PMPCA: variants seen among roughly 807,000 people sequenced by gnomAD.
The protein encoded by PMPCA is mitochondrial-processing peptidase subunit alpha.
A neutral mutation model predicts 59.3 loss-of-function variants in PMPCA; 47 were observed. The ratio of observed to expected loss-of-function variants is 0.79; its 90% confidence interval spans 0.63 to 1.01. The LOEUF is 1.01. Among genes scored for constraint, PMPCA ranks in the 50% least tolerant of loss-of-function variants. PMPCA has a pLI of 0.00. For missense variants in PMPCA, 726 were observed against 704.5 expected, an observed-to-expected ratio of 1.03 and a Z score of -0.34; for synonymous variants, 338 against 290.3, an observed-to-expected ratio of 1.16 and a Z score of -1.67.
Position 136,423,100 on chromosome 9 carries a change from G to A in PMPCA, c.1414G>A (p.Val472Met), listed in dbSNP as rs182007799. The A allele has an allele frequency of 2.2e-5, 35 of 1,611,874 alleles. No individual in the cohort carries two copies. Among genetic ancestry groups the A allele is most frequent in the Admixed American group, 1.7e-4 (10 of 59,728 alleles). The change falls in exon 13 of 13, where the codon GTG becomes ATG. Residue 472 changes from valine to methionine, a missense_variant. Val to Met is a conservative substitution (Grantham distance 21, BLOSUM62 1). Transcript: ENST00000371717. ...GCGTTTGCCCTCTGCACTAGGCAAC[G>A]TGAAGCCGGAAGATGTGAAGAGAGT... Reference protein sequence around the residue: ...PHELCTLIRNVKPEDVKRVAS... With the variant: ...PHELCTLIRNMKPEDVKRVAS...
chr9:136,421,984 C>T lies in PMPCA; in HGVS notation c.1408+8C>T, dbSNP rs1835466007. 2.5e-6 allele frequency: 4 copies of T among 1,605,304 alleles called. No homozygotes were observed. The highest frequency in any genetic ancestry group is 3.4e-6 in the Non-Finnish European group (4 of 1,175,890). ...AGCTGTGCACGCTCATCCGTGAGTACCGCAGGGGTAGTGAGGGGCTGCCGC... is the reference window on the plus strand; with the variant it reads ...AGCTGTGCACGCTCATCCGTGAGTATCGCAGGGGTAGTGAGGGGCTGCCGC... On this transcript the variant is annotated splice_region_variant and intron_variant, in intron 12 of 12. Coordinates refer to ENST00000371717, the MANE Select transcript of PMPCA (RefSeq NM_015160.3).
intron 6 of PMPCA, chr9:136,416,706 A>G (rs1463635240): frequency 5.1e-6 from 3 of 590,416 alleles, no homozygotes; most frequent in Admixed American, 6.1e-5. Context: ...TCCAGTTTTT[A>G]TAGTAACTAG....
Position 136,422,160 on chromosome 9 carries a change from T to G in PMPCA, c.1408+184T>G, listed in dbSNP as rs759747641. The G allele has an allele frequency of 3.3e-6, 5 of 1,534,316 alleles. No individual in the cohort carries two copies. In the African/African-American group the frequency reaches 4.1e-5, roughly 13 times the overall value. On this transcript the variant is annotated intron_variant, in intron 12 of 12. Transcript: ENST00000371717. ...CAGGGTCGTGGGGTCGCAGACCTGG[T>G]CTCACTTCCCGGCCCCACCATGCAC...
rs79812523 is a variant in PMPCA at position 136,422,394 on chromosome 9, C to T, written c.1408+418C>T. The T allele has an allele frequency of 1.0e-3, 1,156 of 1,132,920 alleles. 5 individuals carry two copies. The African/African-American group carries it at 0.017, about 17-fold the overall frequency. The allele number at this position is 1,132,920 out of a possible 1,614,324, so 70.2% of individuals were successfully genotyped here. On this transcript the variant is annotated intron_variant, in intron 12 of 12. Transcript: ENST00000371717. ...GAGTCTCAGCCCCAGGTTTCCGGGG[C>T]CCCCATGAGTGACCTTAGGAGGTCT...
chr9:136,420,001 T>C (rs1266313499), intron 11 of PMPCA: 1 of 151,640 alleles, frequency 6.6e-6, no homozygotes, highest in East Asian at 2.0e-4. Context: ...CTTTTTTTTT[T>C]TTTTAGACAG....
intron 11 of PMPCA, chr9:136,419,642 G>T (rs899858367): frequency 1.2e-5 from 2 of 162,784 alleles, no homozygotes; most frequent in Admixed American, 5.9e-5. Flanking sequence ...GAGTGCAGTA[G>T]CTCAAATTCG....
Position 136,417,541 on chromosome 9 carries a change from C to T in PMPCA, c.897+327C>T, listed in dbSNP as rs538258442. Among the ~76,000 whole-genome samples, 11 of 151,134 alleles carry T rather than the reference C, an allele frequency of 7.3e-5. No homozygotes were observed. The East Asian group carries it at 2.1e-3, about 29-fold the overall frequency. ...AGGCTGGAGTGCAGTGGTGCAATCT[C>T]GGCTTACTGCAACCTCCACCTCCCA... is the stretch of plus-strand genomic sequence containing the variant. On this transcript the variant is annotated intron_variant, in intron 7 of 12. Transcript: ENST00000371717.
chr9:136,420,741 G>A (rs1049329730), intron 11 of PMPCA: 36 of 152,292 alleles, frequency 2.4e-4, no homozygotes, highest in African/African-American at 8.7e-4. Context: ...TAAATATGAA[G>A]TATTTAGGTA....
In PMPCA at chr9:136,422,362, C is replaced by T. The variant is rs563066099; in HGVS notation, c.1408+386C>T. The T allele has an allele frequency of 3.7e-3, 4,242 of 1,133,678 alleles. 10 individuals are homozygous for T. Among genetic ancestry groups the T allele is most frequent in the Non-Finnish European group, 4.3e-3 (3,904 of 913,244 alleles). The allele number at this position is 1,133,678 out of a possible 1,614,324, so 70.2% of individuals were successfully genotyped here. A position where few individuals can be genotyped will look rare whatever the true frequency, so the allele number is the denominator to read the frequency against. On this transcript the variant is annotated intron_variant, in intron 12 of 12. Transcript: ENST00000371717. ...ATGCCGCTGTACCGTTGCTGGCTCT[C>T]GGGCAGGAGTCTCAGCCCCAGGTTT...
chr9:136,417,104 C>G lies in PMPCA; in HGVS notation c.787C>G (p.Leu263Val). 6.2e-7 allele frequency: 1 copy of G among 1,613,926 alleles called. No individual in the cohort carries two copies. The highest frequency in any genetic ancestry group is 8.5e-7 in the Non-Finnish European group (1 of 1,180,024). ...CGGCGTGGGCGTGGAGCACGAGCAT[C>G]TGGTGGACTGTGCCCGGAAGTACCT... is the stretch of plus-strand genomic sequence containing the variant. ...LAGVGVEHEH[L>V]VDCARKYLLG... Residue 263 changes from leucine to valine, a missense_variant, in exon 7 of 13, where the codon CTG (leucine) becomes GTG (valine). Transcript: ENST00000371717.
chr9:136,421,773 G>T (rs577079692), intron 11 of PMPCA, 59 bp from the exon 12 acceptor site: 68 of 1,467,790 alleles, frequency 4.6e-5, no homozygotes, highest in African/African-American at 3.4e-4. Flanking sequence ...TTGCTCGAGT[G>T]GGGGGTGGAA....
chr9:136,418,676 G>T lies in PMPCA; in HGVS notation c.1109+3G>T, dbSNP rs762313680. The T allele has an allele frequency of 3.8e-6, 6 of 1,596,970 alleles. No homozygotes were observed. The highest frequency in any genetic ancestry group is 5.2e-6 in the Non-Finnish European group (6 of 1,164,366). On this transcript the variant is annotated splice_donor_region_variant and intron_variant, in intron 9 of 12. Coordinates refer to ENST00000371717, the MANE Select transcript of PMPCA (RefSeq NM_015160.3). ...CTCTACCTCAACGTGCTCAACAGGT[G>T]GGTTGCACTCTTTTCTGTATCCTCA...
intron 6 of PMPCA, 33 bp from the exon 7 acceptor site, chr9:136,416,918 C>T (rs781315218): frequency 1.3e-6 from 2 of 1,578,978 alleles, no homozygotes; most frequent in South Asian, 2.3e-5. Flanking sequence ...ATGCTGTCTT[C>T]AGTCACCTGT....
chr9:136,417,366 TGGACTG>T, intron 7 of PMPCA, 152 bp downstream of exon 7: 1 of 599,578 alleles, frequency 1.7e-6, no homozygotes, highest in East Asian at 2.9e-5. Flanking sequence ...CAGCAGGGCA[TGGACTG>T]TGTCCCCTGC....
intron 11 of PMPCA, 200 bp downstream of exon 11, chr9:136,419,306 TC>T (rs1350937196): frequency 1.4e-5 from 9 of 648,752 alleles, no homozygotes; most frequent in Non-Finnish European, 2.5e-5. Flanking sequence ...AGGCTGTTCT[TC>T]CCTGGTCCAA....
chr9:136,422,563 C>T (rs989899897), intron 12 of PMPCA: 21 of 1,014,948 alleles, frequency 2.1e-5, no homozygotes, highest in South Asian at 4.0e-5. Flanking sequence ...CCTGGAGTCC[C>T]GGGCACTTGC....
Position 136,412,476 on chromosome 9 carries a change from CT to C in PMPCA, c.275-9del. The C allele has an allele frequency of 7.6e-7, 1 of 1,315,774 alleles. No homozygotes were observed. The highest frequency in any genetic ancestry group is 1.1e-6 in the Non-Finnish European group (1 of 923,918). 81.5% of individuals were successfully genotyped at this position (1,315,774 alleles called of 1,614,324 possible). On this transcript the variant is annotated splice_polypyrimidine_tract_variant and intron_variant, in intron 2 of 12. Transcript: ENST00000371717. ...ATATCTGATGTAACCTGTCAATTTT[CT>C]TTTTACTACTAGTTCTTATCAATTC...
chr9:136,418,479 C>A, intron 8 of PMPCA, 76 bp from the exon 9 acceptor site: 1 of 941,676 alleles, frequency 1.1e-6, no homozygotes, highest in Non-Finnish European at 1.7e-6. Context: ...CCAGCTCTGC[C>A]CTCCGTCCCT....
chr9:136,416,510 C>G, intron 6 of PMPCA, 119 bp downstream of exon 6: 1 of 766,368 alleles, frequency 1.3e-6, no homozygotes, highest in Non-Finnish European at 2.3e-6. Flanking sequence ...ATATACAGAA[C>G]ATTTTTTTGT....
Sources: gnomAD v4.1 joint callset for allele counts (sites outside exome capture counted in the v4.1 genomes callset) on GRCh38, gnomAD v4.1.1 for gene constraint, MANE v1.5 for transcripts, NCBI Gene and HGNC (gene_info 2026-07-23, HGNC 2026-07-21) for gene names.